ANO4: variants seen among roughly 807,000 people sequenced by gnomAD.
ANO4 encodes anoctamin 4.
In ANO4, 69 loss-of-function variants were observed where a neutral mutation model predicts 141.9. The observed-to-expected ratio is 0.49, with a 90% CI of 0.40 to 0.59. The LOEUF (loss-of-function observed/expected upper bound fraction) is 0.59, where lower values mean the gene tolerates loss of function less well. Among genes scored for constraint, ANO4 ranks in the 20% least tolerant of loss-of-function variants. ANO4 has a pLI of 0.00. For missense variants in ANO4, 894 were observed against 1,162.2 expected, an observed-to-expected ratio of 0.77 and a Z score of 3.36; for synonymous variants, 350 against 394.3, an observed-to-expected ratio of 0.89 and a Z score of 1.33.
Position 100,723,376 on chromosome 12 carries a change from C to A in ANO4, c.22+5829C>A, listed in dbSNP as rs145445369. Among the ~76,000 whole-genome samples, 414 of 152,102 alleles carry A rather than the reference C, an allele frequency of 2.7e-3. 1 individual carries two copies. Among genetic ancestry groups the A allele is most frequent in the African/African-American group, 9.4e-3 (392 of 41,482 alleles). On this transcript the variant is annotated intron_variant, in intron 1 of 29. Transcript: ENST00000644049. ...TTTAATGTATGGTGAGGGCCTGTTT[C>A]CTGGCTTGTAGATAGTCATCTTCTT...
intron 1 of ANO4, among the ~76,000 whole-genome samples, chr12:100,826,285 G>A (rs1293428118): frequency 1.6e-5 from 1 of 63,282 alleles, no homozygotes; most frequent in African/African-American, 6.9e-5. Flanking sequence ...TTTGAAGATG[G>A]AATTGAGAAA....
chr12:100,995,485 A>C (rs563316829), intron 8 of ANO4, among the ~76,000 whole-genome samples: 2 of 152,326 alleles, frequency 1.3e-5, no homozygotes, highest in South Asian at 4.1e-4. Context: ...TGACAGTGTC[A>C]TTCTGACTGC....
intron 1 of ANO4, among the ~76,000 whole-genome samples, chr12:100,885,715 G>A (rs894611104): frequency 3.3e-5 from 5 of 152,190 alleles, no homozygotes; most frequent in Non-Finnish European, 5.9e-5. Context: ...AACCATTGTT[G>A]CTGTGAATTT....
chr12:100,970,668 T>G (rs374698368), intron 5 of ANO4, among the ~76,000 whole-genome samples: 880 of 26,400 alleles, frequency 0.033, 30 homozygotes, highest in African/African-American at 0.13. Context: ...TCCCTCTCCT[T>G]CCTTCCTTCC....
At chr12:101,065,766 C>T (rs117979956) in intron 14 of ANO4, among the ~76,000 whole-genome samples, 2,478 of 152,212 alleles carry the variant, frequency 0.016, 24 homozygotes, top group Non-Finnish European at 0.028. Flanking sequence ...TTCTATGAGT[C>T]CAGTATTACC....
intron 24 of ANO4, among the ~76,000 whole-genome samples, chr12:101,113,625 CTA>C (rs561759591): frequency 1.2e-3 from 182 of 152,222 alleles, no homozygotes; most frequent in African/African-American, 4.1e-3. Flanking sequence ...ACTGGCCACT[CTA>C]TTACTTTTCA....
intron 26 of ANO4, 50 bp downstream of exon 26, chr12:101,120,675 G>A (rs1465694536): frequency 6.9e-7 from 1 of 1,439,260 alleles, no homozygotes; most frequent in South Asian, 1.2e-5. Flanking sequence ...AATGAAGTCA[G>A]TAGGAGTAAT....
intron 3 of ANO4, among the ~76,000 whole-genome samples, chr12:100,774,853 T>C (rs1446704557): frequency 6.6e-6 from 1 of 152,228 alleles, no homozygotes; most frequent in Non-Finnish European, 1.5e-5. Context: ...TGTAAATGAA[T>C]ATGAAAAGTA....
intron 7 of ANO4, among the ~76,000 whole-genome samples, chr12:100,979,054 C>T (rs1037531147): frequency 5.9e-5 from 9 of 151,898 alleles, no homozygotes; most frequent in Admixed American, 3.9e-4. Flanking sequence ...TGTGGCAGTT[C>T]CTTTGAAAAT....
intron 3 of ANO4, among the ~76,000 whole-genome samples, chr12:100,746,114 T>C (rs1221459113): frequency 6.6e-6 from 1 of 152,152 alleles, no homozygotes; most frequent in Non-Finnish European, 1.5e-5. Flanking sequence ...AAAAATGTAT[T>C]CTATGCACAC....
At chr12:101,007,853 AG>A (rs2045935227) in intron 8 of ANO4, among the ~76,000 whole-genome samples, 1 of 152,250 alleles carries the variant, frequency 6.6e-6, no homozygotes, top group South Asian at 2.1e-4. Flanking sequence ...CCAGGTAGCT[AG>A]GACTACAAGT....
intron 1 of ANO4, among the ~76,000 whole-genome samples, chr12:100,854,159 A>G (rs2038037677): frequency 6.6e-6 from 1 of 152,100 alleles, no homozygotes; most frequent in African/African-American, 2.4e-5. Flanking sequence ...AGAATTCTAA[A>G]GTGATAGTTA....
At chr12:101,114,648 T>A (rs2050784910) in intron 24 of ANO4, among the ~76,000 whole-genome samples, 1 of 152,134 alleles carries the variant, frequency 6.6e-6, no homozygotes, top group Non-Finnish European at 1.5e-5. Flanking sequence ...AATATTCCAT[T>A]TCAGTGCTGG....
At chr12:101,067,672 G>A (rs2048647585) in intron 14 of ANO4, among the ~76,000 whole-genome samples, 1 of 152,164 alleles carries the variant, frequency 6.6e-6, no homozygotes, top group South Asian at 2.1e-4. Context: ...GACAGAGTGA[G>A]ACTCTGTCTC....
chr12:100,993,026 A>G (rs2045210943), intron 8 of ANO4, among the ~76,000 whole-genome samples: 1 of 152,066 alleles, frequency 6.6e-6, no homozygotes, highest in Non-Finnish European at 1.5e-5. Context: ...ACCCATCTTT[A>G]CAAAAATTTA....
intron 14 of ANO4, among the ~76,000 whole-genome samples, chr12:101,067,329 T>C (rs2048635080): frequency 6.6e-6 from 1 of 152,252 alleles, no homozygotes; most frequent in South Asian, 2.1e-4. Flanking sequence ...TCTGGTATGT[T>C]CTTTCCAATG....
At chr12:100,974,913 C>G in intron 7 of ANO4, 24 bp downstream of exon 7, 1 of 1,613,262 alleles carries the variant, frequency 6.2e-7, no homozygotes. Flanking sequence ...TCTGTCCTGA[C>G]AGTGTTTGTC....
intron 3 of ANO4, among the ~76,000 whole-genome samples, chr12:100,774,402 A>G (rs1292166275): frequency 6.6e-6 from 1 of 152,224 alleles, no homozygotes; most frequent in African/African-American, 2.4e-5. Flanking sequence ...GAGCAACCCA[A>G]TATTTTTTTA....
chr12:100,980,771 T>C (rs2044423815), intron 7 of ANO4, among the ~76,000 whole-genome samples: 1 of 152,228 alleles, frequency 6.6e-6, no homozygotes, highest in Admixed American at 6.5e-5. Flanking sequence ...GAGTTAATGC[T>C]CTTTTTATCC....
Sources: gnomAD v4.1 joint callset for allele counts (sites outside exome capture counted in the v4.1 genomes callset) on GRCh38, gnomAD v4.1.1 for gene constraint, MANE v1.5 for transcripts, NCBI Gene and HGNC (gene_info 2026-07-23, HGNC 2026-07-21) for gene names.